Variants in BBS9 observed in about 807,000 individuals in gnomAD.
BBS9 encodes the protein protein PTHB1.
A neutral mutation model predicts 117.7 loss-of-function variants in BBS9; 89 were observed. The ratio of observed to expected loss-of-function variants is 0.76; its 90% CI spans 0.64 to 0.90. BBS9 has a LOEUF of 0.90. Ranked by LOEUF, BBS9 falls within the 40% of genes least tolerant of loss-of-function variation. The pLI is 0.00. For synonymous variants in BBS9, 379 were observed against 370.9 expected, an observed-to-expected ratio of 1.02 and a Z score of -0.25; for missense variants, 982 against 1,042.2, an observed-to-expected ratio of 0.94 and a Z score of 0.80.
intron 9 of BBS9, among the ~76,000 whole-genome samples, chr7:33,309,127 G>A (rs1229092237): frequency 6.6e-6 from 1 of 152,170 alleles, no homozygotes; most frequent in Non-Finnish European, 1.5e-5. Context: ...CAGTCTTGAT[G>A]ACATTAGAAT....
chr7:33,599,477 A>T (rs1863453999), intron 21 of BBS9, among the ~76,000 whole-genome samples: 1 of 152,186 alleles, frequency 6.6e-6, no homozygotes, highest in African/African-American at 2.4e-5. Context: ...TGATTGCTAT[A>T]TGTATGAATA....
intron 20 of BBS9, among the ~76,000 whole-genome samples, chr7:33,522,661 G>A (rs1244329241): frequency 7.3e-5 from 11 of 150,878 alleles, no homozygotes; most frequent in South Asian, 4.2e-4. Context: ...TTTGTCAGAT[G>A]AGTAGCTTGC....
intron 19 of BBS9, among the ~76,000 whole-genome samples, chr7:33,410,893 C>T (rs1005324288): frequency 1.6e-4 from 24 of 151,586 alleles, no homozygotes; most frequent in African/African-American, 5.3e-4. Flanking sequence ...ACACACGTCT[C>T]GTAAGATCCA....
chr7:33,302,108 C>T lies in BBS9; in HGVS notation c.1016+28152C>T, dbSNP rs115464115. On this transcript the variant is annotated intron_variant, in intron 9 of 22. Transcript: ENST00000242067. ...GAAATTCCTATTCAGATCTTTTGCC[C>T]GTTTTTAGTTGTATTATTAGATTTT... Among the ~76,000 whole-genome samples, 1,092 of 151,998 alleles carry T rather than the reference C, an allele frequency of 7.2e-3. 14 individuals carry two copies. The highest frequency in any genetic ancestry group is 0.024 in the African/African-American group (996 of 41,478).
At chr7:33,543,710 G>A (rs546348028) in intron 21 of BBS9, among the ~76,000 whole-genome samples, 2 of 152,216 alleles carry the variant, frequency 1.3e-5, no homozygotes, top group South Asian at 4.2e-4. Flanking sequence ...AATTTCCCAG[G>A]TGTTCTTTGA....
intron 9 of BBS9, among the ~76,000 whole-genome samples, chr7:33,331,763 A>G (rs1335173276): frequency 6.6e-6 from 1 of 152,174 alleles, no homozygotes; most frequent in African/African-American, 2.4e-5. Flanking sequence ...AAAGAGCTCT[A>G]TAAGGAAAAC....
intron 5 of BBS9, among the ~76,000 whole-genome samples, chr7:33,210,495 A>C (rs1477675262): frequency 1.3e-5 from 2 of 152,098 alleles, no homozygotes; most frequent in Non-Finnish European, 2.9e-5. Flanking sequence ...TGACATTTCT[A>C]GCTACTATTG....
chr7:33,238,296 C>CT (rs952286390), intron 5 of BBS9, among the ~76,000 whole-genome samples: 62 of 146,388 alleles, frequency 4.2e-4, no homozygotes, highest in Middle Eastern at 3.6e-3. Context: ...CCTCAAAGGT[C>CT]TTTTTTTTTT....
chr7:33,396,457 A>G (rs541191732), intron 19 of BBS9, among the ~76,000 whole-genome samples: 29 of 152,284 alleles, frequency 1.9e-4, no homozygotes, highest in African/African-American at 6.7e-4. Flanking sequence ...ACATTTGCAA[A>G]AAATTGAAAA....
intron 19 of BBS9, among the ~76,000 whole-genome samples, chr7:33,419,544 C>T (rs1030868393): frequency 2.0e-5 from 3 of 152,112 alleles, no homozygotes; most frequent in South Asian, 4.1e-4. Context: ...AATAAAATGT[C>T]GTGGAACCAG....
chr7:33,383,820 G>A lies in BBS9; in HGVS notation c.1944G>A (p.Leu648=). Reference sequence around the variant, plus strand: ...TACCCCTTCAAGAATATTTTGAGTTGATTGATCATCATTTTGAGGTATGTA... The same window carrying A: ...TACCCCTTCAAGAATATTTTGAGTTAATTGATCATCATTTTGAGGTATGTA... ...GSIPLQEYFE[L]IDHHFELRIN... is the part of the protein sequence containing the mutation. Residue 648 remains leucine (L), a synonymous_variant, in exon 18 of 23, where the codon TTG becomes TTA. Transcript: ENST00000242067. 6.2e-7 allele frequency: 1 copy of A among 1,612,004 alleles called. No individual in the cohort carries two copies. Among genetic ancestry groups the A allele is most frequent in the Non-Finnish European group, 8.5e-7 (1 of 1,179,782 alleles).
chr7:33,158,769 G>C (rs1309872594), intron 4 of BBS9, among the ~76,000 whole-genome samples: 1 of 152,098 alleles, frequency 6.6e-6, no homozygotes, highest in African/African-American at 2.4e-5. Flanking sequence ...TGTAGATGTT[G>C]TTAAAAGAAA....
intron 4 of BBS9, among the ~76,000 whole-genome samples, chr7:33,174,643 A>G (rs376603954): frequency 1.3e-5 from 2 of 152,364 alleles, no homozygotes; most frequent in African/African-American, 4.8e-5. Flanking sequence ...GTCTGTTTAC[A>G]CTTCCATTTA....
At chr7:33,413,650 G>C (rs956382508) in intron 19 of BBS9, among the ~76,000 whole-genome samples, 3 of 151,778 alleles carry the variant, frequency 2.0e-5, no homozygotes, top group East Asian at 3.9e-4. Flanking sequence ...CAACAGTTGC[G>C]TGTAAAAAAA....
chr7:33,611,468 TATA>T (rs1030252543), intron 21 of BBS9, among the ~76,000 whole-genome samples: 3 of 118,380 alleles, frequency 2.5e-5, no homozygotes, highest in Admixed American at 1.7e-4. Context: ...ATAATAATAA[TATA>T]ATATATTATA....
At chr7:33,486,776 C>T (rs774226620) in intron 19 of BBS9, among the ~76,000 whole-genome samples, 4 of 152,150 alleles carry the variant, frequency 2.6e-5, no homozygotes, top group Non-Finnish European at 4.4e-5. Flanking sequence ...AAGCCAGTTG[C>T]TGTTTAGAGG....
At chr7:33,339,600 C>T (rs569384090) in intron 10 of BBS9, among the ~76,000 whole-genome samples, 3 of 152,202 alleles carry the variant, frequency 2.0e-5, no homozygotes, top group African/African-American at 7.2e-5. Context: ...AATGTTTCCT[C>T]TCAGGGTCAC....
intron 9 of BBS9, among the ~76,000 whole-genome samples, chr7:33,288,478 A>G (rs1803346484): frequency 6.6e-6 from 1 of 152,224 alleles, no homozygotes. Context: ...ATAATGTAAC[A>G]TGATGAACTA....
At chr7:33,587,948 T>C (rs539085475) in intron 21 of BBS9, among the ~76,000 whole-genome samples, 2 of 152,230 alleles carry the variant, frequency 1.3e-5, no homozygotes, top group East Asian at 3.9e-4. Context: ...CATAACTTGA[T>C]GCCCCAGTGG....
Sources: allele counts gnomAD v4.1 joint callset (sites outside exome capture counted in the v4.1 genomes callset), GRCh38; gene constraint gnomAD v4.1.1; transcripts MANE v1.5; gene names NCBI Gene and HGNC (gene_info 2026-07-23, HGNC 2026-07-21).